CUX2: variants seen among roughly 807,000 people sequenced by gnomAD.
The protein encoded by CUX2 is cut like homeobox 2.
In CUX2, 40 loss-of-function variants were observed where a neutral mutation model predicts 144.8. That is an observed-to-expected ratio of 0.28 (90% CI 0.21 to 0.36). The LOEUF (loss-of-function observed/expected upper bound fraction) is 0.36. Among genes scored for constraint, CUX2 ranks in the 10% least tolerant of loss-of-function variants. CUX2 has a pLI of 1.00. For synonymous variants in CUX2, 827 were observed against 875.6 expected (o/e 0.94, Z 0.98); for missense variants, 1,615 against 1,994.0 (o/e 0.81, Z 3.62).
intron 1 of CUX2, among the ~76,000 whole-genome samples, chr12:111,129,213 T>A (rs1419466934): frequency 6.6e-6 from 1 of 152,268 alleles, no homozygotes; most frequent in Non-Finnish European, 1.5e-5. Flanking sequence ...AAGTCTAGGA[T>A]CATTGGGATT....
intron 21 of CUX2, 52 bp from the exon 22 acceptor site, chr12:111,347,472 G>A: frequency 1.3e-6 from 2 of 1,510,416 alleles, no homozygotes; most frequent in South Asian, 2.6e-5. Flanking sequence ...ATGGAGTCCA[G>A]GGTTTGGGAG....
intron 16 of CUX2, among the ~76,000 whole-genome samples, chr12:111,315,928 C>T (rs1211676093): frequency 1.3e-5 from 2 of 152,088 alleles, no homozygotes; most frequent in African/African-American, 4.8e-5. Flanking sequence ...TTCCACATAT[C>T]GAGTATGATC....
intron 10 of CUX2, among the ~76,000 whole-genome samples, chr12:111,305,875 C>T (rs555444363): frequency 3.3e-5 from 5 of 151,952 alleles, no homozygotes; most frequent in South Asian, 2.1e-4. Context: ...CTCTTTGATG[C>T]GTGTGTATTT....
At chr12:111,047,581 C>T (rs2136008039) in intron 1 of CUX2, among the ~76,000 whole-genome samples, 1 of 152,282 alleles carries the variant, frequency 6.6e-6, no homozygotes, top group African/African-American at 2.4e-5. Context: ...GCTCTGGTGT[C>T]ACCCTATTTT....
chr12:111,052,727 G>A (rs1870338257), intron 1 of CUX2, among the ~76,000 whole-genome samples: 1 of 152,172 alleles, frequency 6.6e-6, no homozygotes, highest in Non-Finnish European at 1.5e-5. Context: ...GTTTATTTGT[G>A]CACCTTAGTA....
intron 1 of CUX2, among the ~76,000 whole-genome samples, chr12:111,155,436 A>G (rs1168509134): frequency 2.0e-5 from 3 of 152,216 alleles, no homozygotes; most frequent in Non-Finnish European, 2.9e-5. Context: ...TTGGATTTAC[A>G]AGCACCTTGT....
intron 3 of CUX2, among the ~76,000 whole-genome samples, chr12:111,242,787 C>T (rs937009593): frequency 2.0e-5 from 3 of 152,106 alleles, no homozygotes; most frequent in African/African-American, 4.8e-5. Context: ...GCATTCCAGC[C>T]GGGGCAGCTG....
intron 1 of CUX2, among the ~76,000 whole-genome samples, chr12:111,070,393 TTTCCTTCCTTCC>T (rs143464416): frequency 0.12 from 11,963 of 99,178 alleles, 842 homozygotes; most frequent in African/African-American, 0.21. Flanking sequence ...TCCTTCCTTC[TTTCCTTCCTTCC>T]TTCCTTCCTT....
intron 18 of CUX2, among the ~76,000 whole-genome samples, chr12:111,324,788 C>G (rs906496584): frequency 6.6e-6 from 1 of 152,124 alleles, no homozygotes; most frequent in Non-Finnish European, 1.5e-5. Flanking sequence ...GCGTGAGCCA[C>G]AGCACCTGGC....
chr12:111,116,448 T>A (rs903178097), intron 1 of CUX2, among the ~76,000 whole-genome samples: 1 of 152,238 alleles, frequency 6.6e-6, no homozygotes, highest in East Asian at 1.9e-4. Flanking sequence ...CTTGGACTTA[T>A]AGATTTCATT....
chr12:111,346,763 A>G (rs1319295705), intron 21 of CUX2, among the ~76,000 whole-genome samples: 1 of 152,228 alleles, frequency 6.6e-6, no homozygotes, highest in East Asian at 1.9e-4. Flanking sequence ...CTGTGATCCC[A>G]GCACTTGGGG....
intron 3 of CUX2, among the ~76,000 whole-genome samples, chr12:111,219,630 GTCTTT>G (rs896106522): frequency 6.6e-6 from 1 of 152,204 alleles, no homozygotes; most frequent in African/African-American, 2.4e-5. Context: ...ACACTGACAA[GTCTTT>G]TCATGTTGTT....
At chr12:111,056,593 T>C (rs1870539726) in intron 1 of CUX2, among the ~76,000 whole-genome samples, 1 of 152,168 alleles carries the variant, frequency 6.6e-6, no homozygotes, top group Admixed American at 6.5e-5. Flanking sequence ...GAAGTGCAGG[T>C]GTTTTCATGC....
rs552824302 is a variant in CUX2, at chr12:111,178,197, C to T, written c.64-36003C>T. Among the ~76,000 whole-genome samples, 15 of 152,358 alleles carry T rather than the reference C, an allele frequency of 9.8e-5. No individual in the cohort carries two copies. The highest frequency in any genetic ancestry group is 8.5e-4 in the Admixed American group (13 of 15,306). ...TGATTCTCACCCCATTAACAGCCTGCAGCTTTGCCAGAATATCCTCTTTTC... is the reference window on the plus strand; with the variant it reads ...TGATTCTCACCCCATTAACAGCCTGTAGCTTTGCCAGAATATCCTCTTTTC... On this transcript the variant is annotated intron_variant, in intron 1 of 21. Coordinates refer to ENST00000261726, the MANE Select transcript of CUX2 (RefSeq NM_015267.4). This position sits in a 1 kb window ranked among gnomAD's most constrained non-coding sequence, Gnocchi z 5.7.
intron 3 of CUX2, among the ~76,000 whole-genome samples, chr12:111,238,330 G>A (rs911710994): frequency 6.6e-6 from 1 of 152,228 alleles, no homozygotes; most frequent in African/African-American, 2.4e-5. Flanking sequence ...CACAACAGGT[G>A]CTGAGTAAAT....
intron 1 of CUX2, among the ~76,000 whole-genome samples, chr12:111,167,098 A>G (rs2136160235): frequency 6.6e-6 from 1 of 152,262 alleles, no homozygotes; most frequent in Non-Finnish European, 1.5e-5. Flanking sequence ...TCACAGTCTC[A>G]GCTTCTGCAC....
rs541722278 is a variant in CUX2 at position 111,171,437 on chromosome 12, C to G, written c.64-42763C>G. On this transcript the variant is annotated intron_variant, in intron 1 of 21. Coordinates refer to ENST00000261726, the MANE Select transcript of CUX2 (RefSeq NM_015267.4). The surrounding 1 kb of genome is among the most constrained non-coding windows in gnomAD (Gnocchi z 5.0). ...CAGACGAGAGGGGTTTCTTATGCAC[C>G]AGTGGGAGTGGGTCTCTCTCTGACC... Among the ~76,000 whole-genome samples the G allele has an allele frequency of 6.6e-6, 1 of 152,272 alleles. No individual in the cohort carries two copies. Among genetic ancestry groups the G allele is most frequent in the South Asian group, 2.1e-4 (1 of 4,824 alleles).
chr12:111,115,065 A>G (rs1005187430), intron 1 of CUX2, among the ~76,000 whole-genome samples: 4 of 152,130 alleles, frequency 2.6e-5, no homozygotes, highest in African/African-American at 7.2e-5. Context: ...ATTGATTACT[A>G]TATCTTCACA....
intron 1 of CUX2, among the ~76,000 whole-genome samples, chr12:111,159,492 T>G (rs1256829125): frequency 6.6e-6 from 1 of 152,028 alleles, no homozygotes; most frequent in African/African-American, 2.4e-5. Flanking sequence ...GTTCTGAAGC[T>G]GGACCAGTTT....
Sources: allele counts gnomAD v4.1 joint callset (sites outside exome capture counted in the v4.1 genomes callset), GRCh38; gene constraint gnomAD v4.1.1; non-coding constraint Gnocchi (gnomAD v3.1); transcripts MANE v1.5; gene names NCBI Gene and HGNC (gene_info 2026-07-23, HGNC 2026-07-21).